Variants in RASGRF2 observed in about 807,000 individuals in gnomAD.
RASGRF2 encodes the protein ras-specific guanine nucleotide-releasing factor 2.
RASGRF2 carries 76 observed loss-of-function variants against 151.0 expected under a neutral mutation model. That is an observed-to-expected ratio of 0.50 (90% confidence interval 0.42 to 0.61). The LOEUF (loss-of-function observed/expected upper bound fraction) is 0.61. Ranked by LOEUF, RASGRF2 falls within the 20% of genes least tolerant of loss-of-function variation. The pLI, the probability that RASGRF2 is intolerant of heterozygous loss-of-function variation, is 0.00. For synonymous variants in RASGRF2, 504 were observed against 566.5 expected (o/e 0.89, Z 1.57); for missense variants, 1,148 against 1,564.6 (o/e 0.73, Z 4.49).
intron 6 of RASGRF2, 115 bp from the exon 7 acceptor site, chr5:81,080,481 C>A: frequency 8.6e-7 from 1 of 1,166,238 alleles, no homozygotes; most frequent in Non-Finnish European, 1.2e-6. Context: ...ATCAGGGTTG[C>A]GGCTCCATGC....
At chr5:81,000,629 T>C (rs1277875780) in intron 1 of RASGRF2, among the ~76,000 whole-genome samples, 1 of 152,114 alleles carries the variant, frequency 6.6e-6, no homozygotes, top group Admixed American at 6.5e-5. Flanking sequence ...TTTTCCTTAG[T>C]AAAAGTTAAT....
At chr5:81,126,583 T>C (rs1447738860) in intron 16 of RASGRF2, among the ~76,000 whole-genome samples, 1 of 152,128 alleles carries the variant, frequency 6.6e-6, no homozygotes, top group Admixed American at 6.6e-5. Context: ...CCAGCAGCCC[T>C]AGGCAACCAC....
At chr5:81,007,299 G>T (rs1749304450) in intron 1 of RASGRF2, among the ~76,000 whole-genome samples, 1 of 152,184 alleles carries the variant, frequency 6.6e-6, no homozygotes. Flanking sequence ...TGTGTTGGAG[G>T]AAGGTTGAAC....
At chr5:81,082,919 A>G (rs1440274509) in intron 7 of RASGRF2, among the ~76,000 whole-genome samples, 5 of 152,224 alleles carry the variant, frequency 3.3e-5, no homozygotes, top group Non-Finnish European at 1.5e-5. Context: ...AGGAGAAGTC[A>G]TTGGAGTTCT....
In RASGRF2 at chr5:81,190,515, A is replaced by G. The variant is rs542635719; in HGVS notation, c.2793+10234A>G. 2.0e-5 allele frequency among the ~76,000 whole-genome samples: 3 copies of G among 152,364 alleles called. No individual in the cohort carries two copies. In the South Asian group the frequency reaches 6.2e-4, roughly 32 times the overall value. On this transcript the variant is annotated intron_variant, in intron 18 of 26. Transcript: ENST00000265080. ...ATCTGTGTGAAGTTATAATGCACAA[A>G]TGAATTATTTGTCATATCTCTCTGG...
At chr5:81,104,013 A>T (rs1431435099) in intron 12 of RASGRF2, among the ~76,000 whole-genome samples, 2 of 152,142 alleles carry the variant, frequency 1.3e-5, no homozygotes, top group African/African-American at 4.8e-5. Context: ...TGATGGGCAG[A>T]TACACAAATA....
chr5:81,124,554 G>A (rs930936048), intron 16 of RASGRF2, among the ~76,000 whole-genome samples: 1 of 152,086 alleles, frequency 6.6e-6, no homozygotes, highest in African/African-American at 2.4e-5. Flanking sequence ...CTAAAATAAG[G>A]TCCAGGTACA....
intron 22 of RASGRF2, among the ~76,000 whole-genome samples, chr5:81,209,892 T>C (rs1755593511): frequency 3.3e-5 from 5 of 152,144 alleles, no homozygotes; most frequent in Admixed American, 3.3e-4. Flanking sequence ...GGTAGTGGCC[T>C]CACCATACAC....
At chr5:81,036,659 A>T (rs563866484) in intron 1 of RASGRF2, among the ~76,000 whole-genome samples, 14 of 152,102 alleles carry the variant, frequency 9.2e-5, no homozygotes, top group African/African-American at 3.1e-4. Flanking sequence ...CCTATTCCAG[A>T]TATTTTATCA....
intron 1 of RASGRF2, among the ~76,000 whole-genome samples, chr5:80,985,766 G>A (rs372191017): frequency 1.3e-5 from 2 of 152,192 alleles, no homozygotes; most frequent in South Asian, 2.1e-4. Flanking sequence ...AGGATGTGGA[G>A]GGGGTGGAGT....
chr5:80,995,555 G>A (rs1240242551), intron 1 of RASGRF2, among the ~76,000 whole-genome samples: 2 of 151,618 alleles, frequency 1.3e-5, no homozygotes, highest in African/African-American at 4.8e-5. Context: ...ATAAAAAGAT[G>A]AGTCTGCCAT....
chr5:81,219,167 C>T (rs975988757), intron 25 of RASGRF2, among the ~76,000 whole-genome samples: 2 of 151,712 alleles, frequency 1.3e-5, no homozygotes, highest in African/African-American at 4.9e-5. Context: ...CAACCTCCAC[C>T]TTCCGGGTTC....
chr5:81,054,142 T>G (rs1318249895), intron 2 of RASGRF2, among the ~76,000 whole-genome samples: 3 of 152,268 alleles, frequency 2.0e-5, no homozygotes, highest in African/African-American at 7.2e-5. Context: ...AGATCCCATT[T>G]GTCAATTTTG....
Position 81,052,124 on chromosome 5 carries a change from C to T in RASGRF2, c.395+9141C>T, listed in dbSNP as rs138775074. 3.8e-3 allele frequency among the ~76,000 whole-genome samples: 580 copies of T among 152,244 alleles called. 1 individual carries two copies. The highest frequency in any genetic ancestry group is 0.014 in the African/African-American group (567 of 41,526). ...GATGATAAAGATAATTCTACCAATA[C>T]CTGCTTGTGCACATGGAACAGAAAT... On this transcript the variant is annotated intron_variant, in intron 2 of 26. Coordinates refer to ENST00000265080, the MANE Select transcript of RASGRF2 (RefSeq NM_006909.3).
rs1749870446 is a variant in RASGRF2 at position 81,022,659 on chromosome 5, C to T, written c.289-20218C>T. Among the ~76,000 whole-genome samples, 4 of 152,198 alleles carry T rather than the reference C, an allele frequency of 2.6e-5. No individual in the cohort carries two copies. In the South Asian group the frequency reaches 8.3e-4, roughly 32 times the overall value. Reference sequence around the variant, plus strand: ...TTTTCTCCACGTACCTCGGACCTCTCCTTCTTGCCACACTCCTCCTTGTGC... The same window carrying T: ...TTTTCTCCACGTACCTCGGACCTCTTCTTCTTGCCACACTCCTCCTTGTGC... On this transcript the variant is annotated intron_variant, in intron 1 of 26. Transcript: ENST00000265080.
At chr5:81,181,968 T>TA (rs11419263) in intron 18 of RASGRF2, among the ~76,000 whole-genome samples, 34,770 of 151,966 alleles carry the variant, frequency 0.23, 5,708 homozygotes, top group African/African-American at 0.46. Context: ...TTATTTTTGG[T>TA]GAAAAAATTC....
chr5:81,214,813 C>T (rs1017651553), intron 23 of RASGRF2, among the ~76,000 whole-genome samples: 3 of 152,194 alleles, frequency 2.0e-5, no homozygotes, highest in Non-Finnish European at 4.4e-5. Context: ...TACCACTCTC[C>T]TATGTTCATG....
In RASGRF2 at chr5:81,030,658, C is replaced by T. The variant is rs529491547; in HGVS notation, c.289-12219C>T. Reference sequence around the variant, plus strand: ...AAGAGCTCCTGAAGGAAGCACTAAACATGGAAAGGAACAGCCAGTACCAGC... The same window carrying T: ...AAGAGCTCCTGAAGGAAGCACTAAATATGGAAAGGAACAGCCAGTACCAGC... On this transcript the variant is annotated intron_variant, in intron 1 of 26. Transcript: ENST00000265080. Among the ~76,000 whole-genome samples the T allele has an allele frequency of 2.4e-4, 36 of 152,210 alleles. 1 individual carries two copies. Among genetic ancestry groups the T allele is most frequent in the Admixed American group, 1.6e-3 (24 of 15,284 alleles).
chr5:80,992,195 C>G (rs929557856), intron 1 of RASGRF2, among the ~76,000 whole-genome samples: 2 of 151,246 alleles, frequency 1.3e-5, no homozygotes, highest in African/African-American at 4.9e-5. Flanking sequence ...CACACACACA[C>G]ACAGAGACAA....
Sources: allele counts gnomAD v4.1 joint callset (sites outside exome capture counted in the v4.1 genomes callset), GRCh38; gene constraint gnomAD v4.1.1; transcripts MANE v1.5; gene names NCBI Gene and HGNC (gene_info 2026-07-23, HGNC 2026-07-21).